ZNF683: variants seen among roughly 807,000 people sequenced by gnomAD.
The protein encoded by ZNF683 is zinc finger protein 683.
ZNF683 carries 20 observed loss-of-function variants against 31.4 expected under a neutral mutation model. That is an observed-to-expected ratio of 0.64 (90% confidence interval 0.45 to 0.93). The LOEUF (loss-of-function observed/expected upper bound fraction) is 0.93. ZNF683 is among the 40% of genes least tolerant of loss of function. ZNF683 has a pLI of 0.00. For synonymous variants in ZNF683, 264 were observed against 267.6 expected (o/e 0.99, Z 0.13); for missense variants, 621 against 637.2 (o/e 0.97, Z 0.27).
chr1:26,369,682 TA>T (rs202153755), intron 1 of ZNF683, among the ~76,000 whole-genome samples: 3 of 88,920 alleles, frequency 3.4e-5, no homozygotes, highest in Middle Eastern at 6.0e-3. Context: ...AAAAAAAAAT[TA>T]GCTGAGTGTG....
At chr1:26,367,870 CT>C in intron 2 of ZNF683, 73 bp from the exon 3 acceptor site, 3 of 1,269,286 alleles carry the variant, frequency 2.4e-6, no homozygotes, top group Non-Finnish European at 3.2e-6. Context: ...GCCCCTACCC[CT>C]ATTTTGTTTT....
At chr1:26,366,168 G>T (rs574788506) in intron 3 of ZNF683, among the ~76,000 whole-genome samples, 10 of 151,814 alleles carry the variant, frequency 6.6e-5, no homozygotes, top group Admixed American at 6.6e-4. Flanking sequence ...CAACAAAAGC[G>T]AAACTCTGTT....
chr1:26,368,156 A>G (rs2074575650), intron 2 of ZNF683, among the ~76,000 whole-genome samples: 1 of 152,228 alleles, frequency 6.6e-6, no homozygotes, highest in Non-Finnish European at 1.5e-5. Flanking sequence ...ATCAAAGACT[A>G]TAAACTCCAC....
chr1:26,362,350 A>G (rs1333889374), intron 5 of ZNF683, among the ~76,000 whole-genome samples: 1 of 152,216 alleles, frequency 6.6e-6, no homozygotes, highest in East Asian at 1.9e-4. Context: ...ACTCTTAAGT[A>G]TGAAGCTGCA....
At chr1:26,363,002 ATAG>A (rs1322821119) in intron 5 of ZNF683, 21 bp downstream of exon 5, 1 of 1,597,722 alleles carries the variant, frequency 6.3e-7, no homozygotes, top group East Asian at 2.3e-5. Flanking sequence ...ATAGGAGTAC[ATAG>A]TAGGGGGAGA....
rs148774723 is a variant in ZNF683 at position 26,364,619 on chromosome 1, C to T, written c.927G>A (p.Leu309=). 1 of 1,614,004 alleles carries T rather than the reference C, an allele frequency of 6.2e-7. No individual in the cohort carries two copies. Among genetic ancestry groups the T allele is most frequent in the African/African-American group, 1.3e-5 (1 of 75,030 alleles). ...CATTCTTCTTTTTCAGCGGGTAAGG[C>T]AAGGCTGCGGTGCCTGTCTGGGAAC... ...PLSSQTGTAA[L]PYPLKKKNGK... is the part of the protein sequence containing the mutation. The change falls in exon 4 of 6, where the codon TTG becomes TTA. Residue 309 remains leucine, a synonymous_variant. Coordinates refer to ENST00000349618, the MANE Select transcript of ZNF683 (RefSeq NM_001114759.3).
Position 26,363,123 on chromosome 1 carries a change from G to A in ZNF683, c.1046C>T (p.Pro349Leu). The stretch of plus-strand genomic sequence containing the variant: ...CTTCTGGCACAAGGCACACTGGAAT[G>A]GACGCTCTCCACTGTGCACACGCAG... ...VHLRVHSGER[P>L]FQCALCQKSF... The change falls in exon 5 of 6, where the codon CCA becomes CTA. Residue 349 changes from proline to leucine, a missense_variant. Physicochemically the swap from Pro to Leu is moderately conservative, Grantham distance 98 (BLOSUM62 -3). Coordinates refer to ENST00000349618, the MANE Select transcript of ZNF683 (RefSeq NM_001114759.3). 1 of 1,612,618 alleles carries A rather than the reference G, an allele frequency of 6.2e-7. No homozygotes were observed.
At chr1:26,363,782 T>C (rs141463906) in intron 4 of ZNF683, among the ~76,000 whole-genome samples, 60 of 149,100 alleles carry the variant, frequency 4.0e-4, no homozygotes, top group African/African-American at 1.4e-3. Context: ...TGGGAGCTAC[T>C]CTGGAGGCTG....
At chr1:26,373,890 A>T (rs2074714275), upstream of ZNF683, among the ~76,000 whole-genome samples, 1 of 152,130 alleles carries the variant, frequency 6.6e-6, no homozygotes, top group African/African-American at 2.4e-5. Flanking sequence ...CTTCACAATA[A>T]GCCTGTGTGG....
In ZNF683 at chr1:26,362,048, G is replaced by A. The variant is rs200750600; in HGVS notation, c.1144-26C>T. 8.1e-6 allele frequency: 13 copies of A among 1,614,030 alleles called. No homozygotes were observed. In the African/African-American group the frequency reaches 1.6e-4, roughly 20 times the overall value. On this transcript the variant is annotated intron_variant, in intron 5 of 5. Transcript: ENST00000349618. ...CTGACGGGAACGAGCACTGGCATCA[G>A]CTTTGTCCTCTGGGCTGGCTCAGGC... is the stretch of plus-strand genomic sequence containing the variant.
In ZNF683 at chr1:26,361,850, TG is replaced by T. The variant is rs1216925783; in HGVS notation, c.1315del (p.Gln439SerfsTer18). 9.9e-6 allele frequency: 16 copies of T among 1,613,890 alleles called. No individual in the cohort carries two copies. The highest frequency in any genetic ancestry group is 1.3e-5 in the Non-Finnish European group (15 of 1,179,896). ...GCAGGCCAGAGAGGCCAGGGGCAGC[TG>T]GGTGTGCACCAGGCCACAGGGCTGT... is the stretch of plus-strand genomic sequence containing the variant. ...APQPCGLVHT[Q>X]LPLASLACLA... On this transcript the variant is annotated frameshift_variant, in exon 6 of 6. Transcript: ENST00000349618. LOFTEE classifies it low-confidence loss of function (END_TRUNC).
At chr1:26,362,925 C>T (rs2074419521) in intron 5 of ZNF683, 101 bp downstream of exon 5, 7 of 1,450,354 alleles carry the variant, frequency 4.8e-6, no homozygotes, top group Admixed American at 4.2e-5. Context: ...TCCACTTGCT[C>T]AGGAGGACTG....
intron 1 of ZNF683, among the ~76,000 whole-genome samples, chr1:26,371,296 G>A (rs1219752489): frequency 6.6e-6 from 1 of 152,132 alleles, no homozygotes; most frequent in East Asian, 1.9e-4. Flanking sequence ...GCCCCAAGAG[G>A]CAAAAGATAA....
At position 26,367,725 on chromosome 1, in the gene ZNF683, G is replaced by A; in HGVS notation, c.187C>T (p.Pro63Ser). ...GACCTGCCCGGTGCCAGGGGCAAGGGACACAGCCAGCTGGCACAGGATGGG... is the reference window on the plus strand; with the variant it reads ...GACCTGCCCGGTGCCAGGGGCAAGGAACACAGCCAGCTGGCACAGGATGGG... ...HGPSCASWLCPLPLAPGRSAL... is the reference protein window; with the variant it reads ...HGPSCASWLCSLPLAPGRSAL... The change falls in exon 3 of 6, where the codon CCC becomes TCC. Residue 63 changes from proline to serine, a missense_variant. Physicochemically the swap from Pro to Ser is moderately conservative, Grantham distance 74. Coordinates refer to ENST00000349618, the MANE Select transcript of ZNF683 (RefSeq NM_001114759.3). 1 of 1,610,520 alleles carries A rather than the reference G, an allele frequency of 6.2e-7. No homozygotes were observed. The highest frequency in any genetic ancestry group is 8.5e-7 in the Non-Finnish European group (1 of 1,178,056).
Position 26,365,041 on chromosome 1 carries a change from G to GGCT in ZNF683, c.502_504dup (p.Ser168dup), listed in dbSNP as rs768301361. 1 of 1,600,884 alleles carries GGCT rather than the reference G, an allele frequency of 6.2e-7. No homozygotes were observed. Among genetic ancestry groups the GGCT allele is most frequent in the South Asian group, 1.1e-5 (1 of 88,742 alleles). On this transcript the variant is annotated inframe_insertion, in exon 4 of 6. Coordinates refer to ENST00000349618, the MANE Select transcript of ZNF683 (RefSeq NM_001114759.3). ...GGGGGACAGGGGCAGAAAGCCAAGG[G>GGCT]GCTGGGGCTCTTTCTGTTCTGCAGC...
upstream of ZNF683, chr1:26,374,506 C>T (rs898107605): frequency 7.7e-6 from 9 of 1,163,716 alleles, no homozygotes; most frequent in Middle Eastern, 3.9e-4. Context: ...CTCTGCCTGC[C>T]AAGCCCTTCC....
At position 26,362,038 on chromosome 1, in the gene ZNF683, A is replaced by G. The variant is rs763500414; in HGVS notation, c.1144-16T>C. On this transcript the variant is annotated splice_polypyrimidine_tract_variant and intron_variant, in intron 5 of 5. Transcript: ENST00000349618. Reference sequence around the variant, plus strand: ...TGTGGCACACCTGACGGGAACGAGCACTGGCATCAGCTTTGTCCTCTGGGC... The same window carrying G: ...TGTGGCACACCTGACGGGAACGAGCGCTGGCATCAGCTTTGTCCTCTGGGC... 18 of 1,613,924 alleles carry G rather than the reference A, an allele frequency of 1.1e-5. No homozygotes were observed. The highest frequency in any genetic ancestry group is 1.5e-5 in the Non-Finnish European group (18 of 1,179,776).
chr1:26,374,426 T>G (rs897254814), upstream of ZNF683: 5 of 1,201,968 alleles, frequency 4.2e-6, no homozygotes, highest in Non-Finnish European at 4.3e-6. Flanking sequence ...GAAAGCTCCC[T>G]GGCTTGGCTA....
intron 1 of ZNF683, among the ~76,000 whole-genome samples, chr1:26,371,596 T>A (rs1214960701): frequency 7.0e-6 from 1 of 142,664 alleles, no homozygotes; most frequent in African/African-American, 2.7e-5. Flanking sequence ...AAAGACCCTG[T>A]CTCTTTAAAA....
Sources: allele counts gnomAD v4.1 joint callset (sites outside exome capture counted in the v4.1 genomes callset), GRCh38; gene constraint gnomAD v4.1.1; transcripts MANE v1.5; gene names NCBI Gene and HGNC (gene_info 2026-07-23, HGNC 2026-07-21).